Variants in DNAH5 observed in about 807,000 individuals in gnomAD.
The protein encoded by DNAH5 is dynein axonemal heavy chain 5.
A neutral mutation model predicts 518.2 loss-of-function variants in DNAH5; 372 were observed. The observed-to-expected ratio is 0.72, with a 90% CI of 0.66 to 0.78. The LOEUF is 0.78. DNAH5 is among the 30% of genes least tolerant of loss of function. DNAH5 has a pLI of 0.00. For missense variants in DNAH5, 5,523 were observed against 5,687.0 expected (o/e 0.97, Z 0.93); for synonymous variants, 2,039 against 2,025.9 (o/e 1.01, Z -0.17).
At chr5:13,995,872 T>C (rs58518479) in intron 1 of DNAH5, among the ~76,000 whole-genome samples, 4,797 of 152,280 alleles carry the variant, frequency 0.032, 157 homozygotes, top group East Asian at 0.19. Context: ...AATGGAGAGA[T>C]GGAATGCAAA....
At chr5:13,701,253 T>C (rs760854191) in intron 77 of DNAH5, 31 bp downstream of exon 77, 2 of 1,613,852 alleles carry the variant, frequency 1.2e-6, no homozygotes, top group Admixed American at 1.7e-5. Flanking sequence ...AAAATTATAA[T>C]AACGCAACGG....
At chr5:13,724,412 A>C (rs1024595966) in intron 70 of DNAH5, among the ~76,000 whole-genome samples, 1 of 152,194 alleles carries the variant, frequency 6.6e-6, no homozygotes, top group African/African-American at 2.4e-5. Flanking sequence ...GGGAGTAAAT[A>C]ATGTGTTTTG....
rs181765892 is a variant in DNAH5 at position 13,966,262 on chromosome 5, T to C, written c.13-35018A>G. Among the ~76,000 whole-genome samples, 226 of 152,308 alleles carry C rather than the reference T, an allele frequency of 1.5e-3. 1 individual carries two copies. Among genetic ancestry groups the C allele is most frequent in the Admixed American group, 2.4e-3 (37 of 15,296 alleles). ...CACATTTTCTTTATCCACTCGTCAATTGATGGGCATTTGGGCTGGTTCCAT... is the reference window on the plus strand; with the variant it reads ...CACATTTTCTTTATCCACTCGTCAACTGATGGGCATTTGGGCTGGTTCCAT... On this transcript the variant is annotated intron_variant, in intron 1 of 78. Transcript: ENST00000681290.
At chr5:13,923,210 A>C in intron 4 of DNAH5, 70 bp downstream of exon 4, 1 of 1,578,742 alleles carries the variant, frequency 6.3e-7, no homozygotes, top group Non-Finnish European at 8.7e-7. Context: ...TGTCTCCACC[A>C]GAGGAATATT....
chr5:13,818,128 A>T (rs1761701692), intron 41 of DNAH5, among the ~76,000 whole-genome samples: 1 of 152,224 alleles, frequency 6.6e-6, no homozygotes, highest in Non-Finnish European at 1.5e-5. Context: ...CTTGAAAACG[A>T]TAAGCTAAAT....
Position 13,829,650 on chromosome 5 carries a change from G to A in DNAH5, c.6304C>T (p.Arg2102Cys), listed in dbSNP as rs767019228. 3.4e-5 allele frequency: 55 copies of A among 1,614,016 alleles called. No individual in the cohort carries two copies. Among genetic ancestry groups the A allele is most frequent in the Admixed American group, 6.7e-5 (4 of 59,990 alleles). Residue 2102 changes from arginine to cysteine, a missense_variant, in exon 38 of 79, where the codon CGC (arginine) becomes TGC (cysteine). Coordinates refer to ENST00000265104, the MANE Select transcript of DNAH5 (RefSeq NM_001369.3). ...ELPENLKINFRSVAMMVPDRQ... is the reference protein window; with the variant it reads ...ELPENLKINFCSVAMMVPDRQ... ...TCAGGCACCATCATGGCCACTGAGCGGAAATTAATCTTCAAGTTTTCAGGG... is the reference window on the plus strand; with the variant it reads ...TCAGGCACCATCATGGCCACTGAGCAGAAATTAATCTTCAAGTTTTCAGGG...
intron 21 of DNAH5, among the ~76,000 whole-genome samples, chr5:13,878,424 C>G (rs576557574): frequency 6.6e-6 from 1 of 152,026 alleles, no homozygotes; most frequent in South Asian, 2.1e-4. Flanking sequence ...GCTTCTGGCA[C>G]CCCCCCGCCT....
intron 75 of DNAH5, among the ~76,000 whole-genome samples, chr5:13,711,737 G>A (rs1362540966): frequency 6.6e-6 from 1 of 152,186 alleles, no homozygotes; most frequent in African/African-American, 2.4e-5. Flanking sequence ...CAGTGACCAA[G>A]TGGAGAATCA....
In DNAH5 at chr5:13,894,711, A is replaced by G. The variant is rs1426191945; in HGVS notation, c.2370T>C (p.Ala790=). 1 of 1,614,148 alleles carries G rather than the reference A, an allele frequency of 6.2e-7. No homozygotes were observed. The highest frequency in any genetic ancestry group is 8.5e-7 in the Non-Finnish European group (1 of 1,179,974). Residue 790 remains alanine, a synonymous_variant, in exon 16 of 79, where the codon GCT becomes GCC. Transcript: ENST00000265104. The stretch of plus-strand genomic sequence containing the variant: ...TATTCAGTGATGTCCAGGTCAGTGC[A>G]GCCAAGCCAGGTTGGAGAGCTTCAT... ...KVDEALQPGL[A]ALTWTSLNIE... is the part of the protein sequence containing the mutation.
At chr5:13,906,312 T>C (rs1775284014) in intron 12 of DNAH5, among the ~76,000 whole-genome samples, 1 of 152,068 alleles carries the variant, frequency 6.6e-6, no homozygotes, top group African/African-American at 2.4e-5. Context: ...TGTACCACCC[T>C]ATCAGGGGAT....
chr5:13,928,164 A>T lies in DNAH5; in HGVS notation c.207T>A (p.Asp69Glu), dbSNP rs777266031. Residue 69 changes from aspartate (D) to glutamate (E), a missense_variant, in exon 3 of 79, where the codon GAT becomes GAA. Asp to Glu is a conservative substitution (Grantham distance 45). This residue lies in a region of DNAH5 where 5,121 missense variants were observed against 5,223.3 expected (regional missense o/e 0.98). Coordinates refer to ENST00000265104, the MANE Select transcript of DNAH5 (RefSeq NM_001369.3). ...GGAGACCTCCAACAGCAAAAAGTTG[A>T]TCAATTCTTTCAATCTGGGAAAAAG... ...ILEGNQIERI[D>E]QLFAVGGLRH... 28 of 1,613,498 alleles carry T rather than the reference A, an allele frequency of 1.7e-5. 1 individual carries two copies. In the South Asian group the frequency reaches 3.1e-4, roughly 18 times the overall value.
At chr5:13,738,717 A>C (rs1000124893) in intron 65 of DNAH5, among the ~76,000 whole-genome samples, 17 of 152,210 alleles carry the variant, frequency 1.1e-4, no homozygotes, top group African/African-American at 4.1e-4. Flanking sequence ...AGGAAGAGGA[A>C]GCCCAAAGGC....
chr5:13,767,581 T>C (rs1561207157), intron 58 of DNAH5, among the ~76,000 whole-genome samples: 2 of 152,044 alleles, frequency 1.3e-5, no homozygotes, highest in African/African-American at 4.8e-5. Context: ...GTGAGGAAAG[T>C]AGGGTAGGGT....
At chr5:13,900,094 C>T (rs1312492614) in intron 15 of DNAH5, 112 bp downstream of exon 15, 27 of 999,628 alleles carry the variant, frequency 2.7e-5, no homozygotes, top group Non-Finnish European at 3.6e-5. Context: ...CCCTCAGTCA[C>T]TCCATTCATC....
chr5:13,927,618 A>G (rs1778022554), intron 3 of DNAH5, among the ~76,000 whole-genome samples: 1 of 152,236 alleles, frequency 6.6e-6, no homozygotes, highest in South Asian at 2.1e-4. Context: ...CAGAGTCAGT[A>G]GAAAATTAAC....
At chr5:13,740,359 T>C (rs1355482273) in intron 65 of DNAH5, among the ~76,000 whole-genome samples, 1 of 151,978 alleles carries the variant, frequency 6.6e-6, no homozygotes, top group Non-Finnish European at 1.5e-5. Context: ...CTCAAAACCC[T>C]CCAGTGGCCA....
intron 59 of DNAH5, among the ~76,000 whole-genome samples, chr5:13,763,668 C>T (rs1194327436): frequency 6.6e-6 from 1 of 152,200 alleles, no homozygotes; most frequent in Non-Finnish European, 1.5e-5. Flanking sequence ...TTTAGTGACA[C>T]AAACCTTCGC....
At chr5:13,890,488 A>G (rs1773070836) in intron 17 of DNAH5, among the ~76,000 whole-genome samples, 1 of 151,740 alleles carries the variant, frequency 6.6e-6, no homozygotes, top group Non-Finnish European at 1.5e-5. Flanking sequence ...CTGTAAGCAC[A>G]GTCTTTACCC....
chr5:13,884,996 G>T lies in DNAH5; in HGVS notation c.2976C>A (p.Asn992Lys). Residue 992 changes from asparagine to lysine, a missense_variant, in exon 19 of 79, where the codon AAC (asparagine) becomes AAA (lysine). Around this residue, in one of 3 missense-constraint regions of DNAH5, gnomAD observed 5,121 missense variants for 5,223.3 expected, o/e 0.98. Transcript: ENST00000265104. ...ACCACACAAGATTATTACCCCGGAA[G>T]TTAATTGTGTGAGAGGAATGAATAC... ...RKRIHSSHTI[N>K]FRDSNSASNM... The T allele has an allele frequency of 6.2e-7, 1 of 1,614,198 alleles. No homozygotes were observed. The highest frequency in any genetic ancestry group is 8.5e-7 in the Non-Finnish European group (1 of 1,180,026).
Sources: gnomAD v4.1 joint callset for allele counts (sites outside exome capture counted in the v4.1 genomes callset) on GRCh38, gnomAD v4.1.1 for gene constraint, gnomAD v4.1.1 regional missense constraint, MANE v1.5 for transcripts, NCBI Gene and HGNC (gene_info 2026-07-23, HGNC 2026-07-21) for gene names.